JAG2: variants seen among roughly 807,000 people sequenced by gnomAD.
JAG2 encodes jagged canonical Notch ligand 2, also known as protein jagged-2.
JAG2 carries 46 observed loss-of-function variants against 141.7 expected under a neutral mutation model. That is an observed-to-expected ratio of 0.32 (90% confidence interval 0.26 to 0.42). The LOEUF (loss-of-function observed/expected upper bound fraction) is 0.42. JAG2 is among the 10% of genes least tolerant of loss of function. The probability of loss-of-function intolerance (pLI) is 1.00; values close to 1 mark genes in which losing one functional copy is unlikely to be tolerated. For synonymous variants in JAG2, 862 were observed against 763.5 expected (o/e 1.13, Z -2.13); for missense variants, 1,500 against 1,817.5 (o/e 0.83, Z 3.18).
chr14:105,155,445 G>T, intron 5 of JAG2, 117 bp downstream of exon 5: 2 of 1,163,248 alleles, frequency 1.7e-6, no homozygotes, highest in Non-Finnish European at 1.3e-6. Context: ...GGCTCTCACA[G>T]CTGTGTGCCC....
In JAG2 at chr14:105,157,936, C is replaced by T. The variant is rs1049267946; in HGVS notation, c.418-173G>A. 4 of 684,576 alleles carry T rather than the reference C, an allele frequency of 5.8e-6. No individual in the cohort carries two copies. The African/African-American group carries it at 7.1e-5, about 12-fold the overall frequency. The allele number at this position is 684,576 out of a possible 1,614,324, so 42.4% of individuals were successfully genotyped here. A position where few individuals can be genotyped will look rare whatever the true frequency, so the allele number is the denominator to read the frequency against. ...ATCCTCAGGCCACATCCTCTGCAGA[C>T]CCAAAAATGACCCAGCTCAAGGGAG... On this transcript the variant is annotated intron_variant, in intron 2 of 25. Transcript: ENST00000331782.
Position 105,145,872 on chromosome 14 carries a change from C to T in JAG2, c.2811G>A (p.Gln937=), listed in dbSNP as rs1158177362. Residue 937 remains glutamine, a synonymous_variant, in exon 23 of 26, where the codon CAG becomes CAA. Transcript: ENST00000331782. Reference sequence around the variant, plus strand: ...AGGCCTCACAGGGTGGTCGCAGACACTGGCCTGGGGCCTTCTCCAGGCACC... The same window carrying T: ...AGGCCTCACAGGGTGGTCGCAGACATTGGCCTGGGGCCTTCTCCAGGCACC... ...GQRCLEKAPG[Q]CLRPPCEAWG... 7 of 1,560,632 alleles carry T rather than the reference C, an allele frequency of 4.5e-6. No individual in the cohort carries two copies. Among genetic ancestry groups the T allele is most frequent in the Non-Finnish European group, 6.1e-6 (7 of 1,153,102 alleles).
At chr14:105,151,226 G>A (rs185514534) in intron 9 of JAG2, 57 bp downstream of exon 9, 2 of 1,531,166 alleles carry the variant, frequency 1.3e-6, no homozygotes, top group Non-Finnish European at 1.8e-6. Context: ...AGCCCCAGCA[G>A]CCCCCGCAGC....
At position 105,151,649 on chromosome 14, in the gene JAG2, C is replaced by T; in HGVS notation, c.1130G>A (p.Trp377Ter). Residue 377 changes from tryptophan (W) to a stop codon, truncating the protein, a stop_gained, in exon 8 of 26, where the codon TGG (tryptophan) becomes TAG (stop). Transcript: ENST00000331782. LOFTEE classifies it high-confidence loss of function. ...SGFECHCPSGWSGPTCALDID... is the reference protein window; with the variant it reads ...SGFECHCPSG ...ACCAAGGGCACAGGTGGGCCCGCTC[C>T]AGCCCGATGGGCAGTGGCATTCGAA... 2 of 1,609,270 alleles carry T rather than the reference C, an allele frequency of 1.2e-6. No homozygotes were observed. The highest frequency in any genetic ancestry group is 1.7e-6 in the Non-Finnish European group (2 of 1,178,614).
At chr14:105,143,429 A>C in intron 25 of JAG2, 53 bp downstream of exon 25, 1 of 1,530,916 alleles carries the variant, frequency 6.5e-7, no homozygotes, top group Non-Finnish European at 8.8e-7. Context: ...TCTGTGCCCA[A>C]TGCCTGAGTT....
At chr14:105,168,226 GC>G in intron 1 of JAG2, 119 bp from the exon 2 acceptor site, 2 of 840,942 alleles carry the variant, frequency 2.4e-6, no homozygotes, top group Non-Finnish European at 2.9e-6. Context: ...CCCGCCCGGA[GC>G]CCCAGCCGCC....
rs1175918632 is a variant in JAG2 at position 105,149,308 on chromosome 14, G to T, written c.1615C>A (p.Leu539Ile). ...SGPLCEVDVD[L>I]CEPSPCRNGA... ...TTCCGGCAGGGGCTTGGCTCACAAA[G>T]GTCGACATCCACCTGCAGGGTGGGG... The change falls in exon 13 of 26, where the codon CTT becomes ATT. Residue 539 changes from leucine to isoleucine, a missense_variant. Leu to Ile is a conservative substitution (Grantham distance 5). Transcript: ENST00000331782. 10 of 1,612,688 alleles carry T rather than the reference G, an allele frequency of 6.2e-6. No homozygotes were observed. Among genetic ancestry groups the T allele is most frequent in the Non-Finnish European group, 8.5e-6 (10 of 1,179,986 alleles).
At chr14:105,147,683 T>C in intron 18 of JAG2, 89 bp downstream of exon 18, 1 of 1,045,570 alleles carries the variant, frequency 9.6e-7, no homozygotes, top group Non-Finnish European at 1.4e-6. Flanking sequence ...GGGGAGGGGC[T>C]GGCAGAAGGG....
At chr14:105,151,811 C>T in intron 7 of JAG2, 72 bp from the exon 8 acceptor site, 1 of 1,599,322 alleles carries the variant, frequency 6.3e-7, no homozygotes, top group South Asian at 1.1e-5. Context: ...CCTCCCCAAG[C>T]CCACAGGTTC....
intron 2 of JAG2, among the ~76,000 whole-genome samples, chr14:105,163,095 T>C (rs1299241623): frequency 6.6e-6 from 1 of 152,116 alleles, no homozygotes; most frequent in Non-Finnish European, 1.5e-5. Flanking sequence ...ACGCCCCGAC[T>C]TGGTTTCTTC....
rs1290572226 is a variant in JAG2, at chr14:105,167,708, C to T, written c.417+49G>A. 7.2e-7 allele frequency: 1 copy of T among 1,380,888 alleles called. No homozygotes were observed. The highest frequency in any genetic ancestry group is 3.0e-5 in the Admixed American group (1 of 32,948). 85.5% of individuals were successfully genotyped at this position (1,380,888 alleles called of 1,614,324 possible). A position where few individuals can be genotyped will look rare whatever the true frequency, so the allele number is the denominator to read the frequency against. The stretch of plus-strand genomic sequence containing the variant: ...GGTCGCGAAGCGCGCGGGGCCGGGG[C>T]GCGGAGAGAGAGGGAAGGGCTGGAG... On this transcript the variant is annotated intron_variant, in intron 2 of 25. Transcript: ENST00000331782. This position sits in a 1 kb window ranked among gnomAD's most constrained non-coding sequence, Gnocchi z 4.8.
chr14:105,149,824 G>A (rs587674727), intron 12 of JAG2, among the ~76,000 whole-genome samples: 1 of 113,500 alleles, frequency 8.8e-6, no homozygotes, highest in East Asian at 2.8e-4. Flanking sequence ...GGGAGGCAGG[G>A]AAAAAGGGGA....
intron 2 of JAG2, among the ~76,000 whole-genome samples, chr14:105,158,811 G>A (rs587653272): frequency 8.5e-5 from 13 of 152,136 alleles, no homozygotes; most frequent in Admixed American, 2.6e-4. Context: ...TTCCCACCCC[G>A]GGGGGATGCT....
rs755676667 is a variant in JAG2 at position 105,142,889 on chromosome 14, T to G, written c.3523A>C (p.Arg1175=). Residue 1175 remains arginine, a synonymous_variant, in exon 26 of 26, where the codon AGG becomes CGG. Coordinates refer to ENST00000331782, the MANE Select transcript of JAG2 (RefSeq NM_002226.5). ...AGATCCTCGTCCTCCTCATCCTCCC[T>G]GACGGCCGCGTGGCCGGCCGGCCCG... ...LPGPAGHAAV[R]EDEEDEDLGR... 6 of 1,600,944 alleles carry G rather than the reference T, an allele frequency of 3.7e-6. No individual in the cohort carries two copies. In the Admixed American group the frequency reaches 1.0e-4, roughly 27 times the overall value.
At chr14:105,156,929 T>G (rs1888601477) in intron 3 of JAG2, among the ~76,000 whole-genome samples, 1 of 151,992 alleles carries the variant, frequency 6.6e-6, no homozygotes, top group South Asian at 2.1e-4. Flanking sequence ...CCGCCGTCCC[T>G]GCCCTGAAAA....
At chr14:105,143,702 C>T in intron 24 of JAG2, 64 bp from the exon 25 acceptor site, 2 of 1,581,256 alleles carry the variant, frequency 1.3e-6, no homozygotes, top group Non-Finnish European at 1.7e-6. Context: ...AGCCTGCCCC[C>T]AACACTGAGG....
At chr14:105,158,763 G>T (rs1359955788) in intron 2 of JAG2, among the ~76,000 whole-genome samples, 3 of 152,094 alleles carry the variant, frequency 2.0e-5, no homozygotes, top group Non-Finnish European at 4.4e-5. Flanking sequence ...GGGCCCAGAG[G>T]AGGGGGCTGG....
chr14:105,167,806 C>G lies in JAG2; in HGVS notation c.368G>C (p.Gly123Ala). ...DRARARARAG[G>A]DQDPGLVVIP... ...GACGACGAGGCCCGGGTCCTGGTCG[C>G]CGCCGGCCCGGGCCCGCGCCCGCGC... The change falls in exon 2 of 26, where the codon GGC (glycine) becomes GCC (alanine). Residue 123 changes from glycine to alanine, a missense_variant. Gly to Ala is a moderately conservative substitution (Grantham distance 60). Transcript: ENST00000331782. This position sits in a 1 kb window ranked among gnomAD's most constrained non-coding sequence, Gnocchi z 4.8. 6.8e-7 allele frequency: 1 copy of G among 1,466,064 alleles called. No individual in the cohort carries two copies. Among genetic ancestry groups the G allele is most frequent in the Non-Finnish European group, 9.0e-7 (1 of 1,112,244 alleles). 90.8% of individuals were successfully genotyped at this position (1,466,064 alleles called of 1,614,324 possible).
intron 25 of JAG2, 92 bp downstream of exon 25, chr14:105,143,390 G>T: frequency 6.9e-7 from 1 of 1,456,518 alleles, no homozygotes; most frequent in Non-Finnish European, 9.3e-7. Flanking sequence ...TGTTCCTGGT[G>T]GCTGGCAGGA....
Sources: gnomAD v4.1 joint callset for allele counts (sites outside exome capture counted in the v4.1 genomes callset) on GRCh38, gnomAD v4.1.1 for gene constraint, Gnocchi (gnomAD v3.1) non-coding constraint, MANE v1.5 for transcripts, NCBI Gene and HGNC (gene_info 2026-07-23, HGNC 2026-07-21) for gene names.